Variants in FOXP1 observed in about 807,000 individuals in gnomAD.
FOXP1 encodes forkhead box P1, also known as forkhead box protein P1.
FOXP1 carries 15 observed loss-of-function variants against 98.2 expected under a neutral mutation model. That is an observed-to-expected ratio of 0.15 (90% CI 0.10 to 0.24). The LOEUF is 0.24. Among genes scored for constraint, FOXP1 ranks in the 10% least tolerant of loss-of-function variants. FOXP1 has a pLI of 1.00. For missense variants in FOXP1, 633 were observed against 848.5 expected (o/e 0.75, Z 3.15); for synonymous variants, 371 against 314.5 (o/e 1.18, Z -1.90).
At chr3:71,286,042 T>A (rs556609337) in intron 5 of FOXP1, among the ~76,000 whole-genome samples, 2 of 152,330 alleles carry the variant, frequency 1.3e-5, no homozygotes, top group East Asian at 3.9e-4. Context: ...AGTATGTATA[T>A]TTTTACTTAT....
intron 3 of FOXP1, among the ~76,000 whole-genome samples, chr3:71,408,461 A>AT (rs1326843874): frequency 2.6e-5 from 4 of 152,156 alleles, no homozygotes; most frequent in Non-Finnish European, 4.4e-5. Context: ...TTAAATATAC[A>AT]TTGTGCCATG....
intron 7 of FOXP1, among the ~76,000 whole-genome samples, chr3:71,064,116 A>T (rs1403488521): frequency 6.6e-6 from 1 of 152,226 alleles, no homozygotes. Flanking sequence ...GTAATGCAAC[A>T]GAGGCTTAGA....
chr3:71,571,911 A>C (rs1352117709), intron 2 of FOXP1: 1 of 152,250 alleles, frequency 6.6e-6, no homozygotes, highest in African/African-American at 2.4e-5. Context: ...CAGAGATGAA[A>C]GTAGACACAC....
intron 4 of FOXP1, chr3:71,302,870 TA>T (rs2073964991): frequency 6.6e-6 from 1 of 152,208 alleles, no homozygotes; most frequent in South Asian, 2.1e-4. Flanking sequence ...GGTGAGACAC[TA>T]AATGTACATT....
At chr3:71,345,395 TATACACACACACAC>T (rs1416752884) in intron 4 of FOXP1, among the ~76,000 whole-genome samples, 4 of 50,380 alleles carry the variant, frequency 7.9e-5, no homozygotes, top group African/African-American at 1.8e-4. Flanking sequence ...CTCAAATATA[TATACACACACACAC>T]ACACACACAC....
intron 16 of FOXP1, 103 bp from the exon 17 acceptor site, chr3:70,977,145 T>A (rs2037733382): frequency 1.2e-6 from 1 of 815,338 alleles, no homozygotes; most frequent in East Asian, 2.5e-5. Flanking sequence ...CAGAGCTAAA[T>A]CCTGAGAAAG....
intron 7 of FOXP1, among the ~76,000 whole-genome samples, chr3:71,097,606 C>A: frequency 6.6e-6 from 1 of 152,156 alleles, no homozygotes; most frequent in East Asian, 1.9e-4. Context: ...AGGTCAACTT[C>A]ATTACCCAGC....
intron 3 of FOXP1, among the ~76,000 whole-genome samples, chr3:71,465,064 T>C (rs1484709972): frequency 2.0e-5 from 3 of 152,024 alleles, no homozygotes; most frequent in African/African-American, 7.3e-5. Flanking sequence ...TCCCAGCACT[T>C]TGGGAGTCCG....
At chr3:71,167,220 T>C (rs942447847) in intron 6 of FOXP1, among the ~76,000 whole-genome samples, 3 of 152,196 alleles carry the variant, frequency 2.0e-5, no homozygotes, top group Non-Finnish European at 4.4e-5. Context: ...TGGACCGCAC[T>C]GACAGCTTTT....
Position 71,455,853 on chromosome 3 carries a change from C to T in FOXP1, c.-168+37573G>A, listed in dbSNP as rs531132886. 3.3e-5 allele frequency among the ~76,000 whole-genome samples: 5 copies of T among 152,350 alleles called. No homozygotes were observed. The South Asian group carries it at 8.3e-4, about 25-fold the overall frequency. ...ACATGCAAACTGATGCTTGCTTTAT[C>T]TCCCATTGCAGATCTGCGGGAATAT... On this transcript the variant is annotated intron_variant, in intron 3 of 20. Transcript: ENST00000649528.
intron 6 of FOXP1, among the ~76,000 whole-genome samples, chr3:71,161,625 C>A (rs1184870311): frequency 2.0e-5 from 3 of 152,194 alleles, no homozygotes; most frequent in Non-Finnish European, 4.4e-5. Context: ...GAATGTGTGG[C>A]CACTTTTAAT....
intron 5 of FOXP1, among the ~76,000 whole-genome samples, chr3:71,295,574 AC>A (rs2073203878): frequency 6.6e-6 from 1 of 151,228 alleles, no homozygotes; most frequent in Non-Finnish European, 1.5e-5. Flanking sequence ...TAAAAAAAAA[AC>A]TGAACCAATA....
chr3:71,469,862 G>C (rs181367607), intron 3 of FOXP1, among the ~76,000 whole-genome samples: 1 of 152,180 alleles, frequency 6.6e-6, no homozygotes, highest in East Asian at 1.9e-4. Context: ...CCACATCCCT[G>C]CAAGTTCTTT....
intron 6 of FOXP1, among the ~76,000 whole-genome samples, chr3:71,146,385 C>G (rs2060306321): frequency 6.6e-6 from 1 of 151,994 alleles, no homozygotes; most frequent in Non-Finnish European, 1.5e-5. Flanking sequence ...CTTGGAAAGC[C>G]AGCACTTGGA....
intron 6 of FOXP1, among the ~76,000 whole-genome samples, chr3:71,158,562 T>G (rs1371099453): frequency 6.6e-6 from 1 of 152,126 alleles, no homozygotes; most frequent in Admixed American, 6.5e-5. Context: ...GTCTGCTGAA[T>G]GCTCTGCTCT....
chr3:71,336,948 G>A (rs1029087018), intron 4 of FOXP1, among the ~76,000 whole-genome samples: 1 of 152,102 alleles, frequency 6.6e-6, no homozygotes, highest in Non-Finnish European at 1.5e-5. Flanking sequence ...TACAGCTCAG[G>A]GGGCCAGGGA....
intron 10 of FOXP1, among the ~76,000 whole-genome samples, chr3:71,042,719 C>T (rs1475437213): frequency 3.3e-5 from 5 of 152,064 alleles, no homozygotes; most frequent in African/African-American, 1.2e-4. Flanking sequence ...TGTTTCTTAC[C>T]AAACCTAAGG....
intron 3 of FOXP1, among the ~76,000 whole-genome samples, chr3:71,413,473 T>G (rs996014834): frequency 6.6e-6 from 1 of 152,122 alleles, no homozygotes; most frequent in African/African-American, 2.4e-5. Context: ...ACTACTTGTT[T>G]AATTTCTGTC....
At chr3:71,583,035 C>T (rs2048313438) in intron 1 of FOXP1, among the ~76,000 whole-genome samples, 1 of 151,768 alleles carries the variant, frequency 6.6e-6, no homozygotes, top group Admixed American at 6.6e-5. Flanking sequence ...GCGCCCGGCG[C>T]GCGCCCCCTC....
Sources: gnomAD v4.1 joint callset for allele counts (sites outside exome capture counted in the v4.1 genomes callset) on GRCh38, gnomAD v4.1.1 for gene constraint, MANE v1.5 for transcripts, NCBI Gene and HGNC (gene_info 2026-07-23, HGNC 2026-07-21) for gene names.